The following PCID2 variants were observed in gnomAD, a reference collection of about 807,000 sequenced individuals.
PCID2 encodes PCI domain containing 2, also known as PCI domain-containing protein 2.
Under a neutral mutation model 61.3 loss-of-function variants are expected in PCID2, and 41 were observed. The observed-to-expected ratio is 0.67, with a 90% CI of 0.52 to 0.87. The LOEUF is 0.87. Among genes scored for constraint, PCID2 ranks in the 40% least tolerant of loss-of-function variants. PCID2 has a pLI of 0.00. For synonymous variants in PCID2, 187 were observed against 177.8 expected (o/e 1.05, Z -0.41); for missense variants, 392 against 493.4 (o/e 0.79, Z 1.95).
chr13:113,171,769 G>A, the PCID2 span: 3 of 1,612,172 alleles, frequency 1.9e-6, no homozygotes, highest in African/African-American at 1.3e-5. This position sits in a 1 kb window ranked among gnomAD's most constrained non-coding sequence, Gnocchi z 5.1. Flanking sequence ...ACTTCGCTGA[G>A]CACCTCCTCA....
At chr13:113,171,645 A>G in the PCID2 span, 5 of 1,614,066 alleles carry the variant, frequency 3.1e-6, no homozygotes, top group African/African-American at 4.0e-5. The surrounding 1 kb of genome is among the most constrained non-coding windows in gnomAD (Gnocchi z 5.1). Flanking sequence ...ACGCACGTCC[A>G]TGTGCACATG....
intron 2 of PCID2, 53 bp from the exon 3 acceptor site, chr13:113,198,317 A>C (rs1282824551): frequency 6.7e-6 from 7 of 1,042,182 alleles, no homozygotes; most frequent in Non-Finnish European, 8.8e-6. Context: ...CACAGAAAGA[A>C]TGCAACATAT....
chr13:113,203,752 A>C (rs1178240039), intron 1 of PCID2, among the ~76,000 whole-genome samples: 1 of 151,978 alleles, frequency 6.6e-6, no homozygotes, highest in East Asian at 1.9e-4. Flanking sequence ...GCCCTCAAGG[A>C]TGAGGGTGGC....
rs1275303797 is a variant in PCID2, at chr13:113,197,104, T to C, written c.266+74A>G. The C allele has an allele frequency of 2.5e-6, 4 of 1,614,202 alleles. No individual in the cohort carries two copies. In the Admixed American group the frequency reaches 6.7e-5, roughly 27 times the overall value. Reference sequence around the variant, plus strand: ...AGAAATGAGCAACTGGCCCAGTGTTTCCGGGTCTCAAGTCCCAAGTAATCC... The same window carrying C: ...AGAAATGAGCAACTGGCCCAGTGTTCCCGGGTCTCAAGTCCCAAGTAATCC... On this transcript the variant is annotated intron_variant, in intron 4 of 13. Coordinates refer to ENST00000337344, the MANE Select transcript of PCID2 (RefSeq NM_001127202.4).
At chr13:113,208,310 G>A in intron 1 of PCID2, 1 of 1,431,788 alleles carries the variant, frequency 7.0e-7, no homozygotes, top group Non-Finnish European at 9.1e-7. Flanking sequence ...ACACGTGCCA[G>A]CAAGTGAGGG....
At chr13:113,173,446 C>A (rs902966106), downstream of PCID2, among the ~76,000 whole-genome samples, 1 of 152,182 alleles carries the variant, frequency 6.6e-6, no homozygotes, top group Non-Finnish European at 1.5e-5. Context: ...TGACACAGAG[C>A]AGAGCATCGT....
chr13:113,166,073 A>C, the PCID2 span: 1 of 152,140 alleles, frequency 6.6e-6, no homozygotes, highest in South Asian at 2.1e-4. Flanking sequence ...TACTTACCTC[A>C]TTTTCCACTT....
intron 7 of PCID2, chr13:113,186,820 CTG>C (rs1460856654): frequency 6.6e-6 from 1 of 152,194 alleles, no homozygotes; most frequent in Non-Finnish European, 1.5e-5. Flanking sequence ...GAAGTACACT[CTG>C]TGGTGTTAAC....
At chr13:113,188,793 T>G (rs1375277286) in intron 7 of PCID2, among the ~76,000 whole-genome samples, 3 of 152,206 alleles carry the variant, frequency 2.0e-5, no homozygotes. Context: ...TCCTTGGCCT[T>G]TACATACAGC....
At chr13:113,197,058 C>T (rs2039067854) in intron 4 of PCID2, 120 bp downstream of exon 4, 2 of 1,614,228 alleles carry the variant, frequency 1.2e-6, no homozygotes, top group Non-Finnish European at 8.5e-7. Context: ...TTCCAAAACA[C>T]TGTCATTCCT....
downstream of PCID2, among the ~76,000 whole-genome samples, chr13:113,176,059 A>G (rs559854220): frequency 5.4e-4 from 82 of 152,374 alleles, no homozygotes; most frequent in African/African-American, 1.8e-3. Context: ...CAGATGTAGG[A>G]GCGAGCTAAG....
chr13:113,190,614 T>C (rs373083861), intron 7 of PCID2: 28 of 324,784 alleles, frequency 8.6e-5, no homozygotes, highest in Middle Eastern at 8.1e-4. Flanking sequence ...GAAATGGCAC[T>C]AGACGGAAAC....
chr13:113,170,522 TA>T, the PCID2 span: 1 of 1,541,618 alleles, frequency 6.5e-7, no homozygotes, highest in African/African-American at 1.4e-5. Context: ...AATATTACTG[TA>T]AAAACATGTA....
At chr13:113,196,559 G>A (rs2039030800) in intron 4 of PCID2, among the ~76,000 whole-genome samples, 1 of 152,200 alleles carries the variant, frequency 6.6e-6, no homozygotes, top group African/African-American at 2.4e-5. Context: ...TTTAGAATCT[G>A]TAGCATAAGG....
downstream of PCID2, among the ~76,000 whole-genome samples, chr13:113,174,067 A>G (rs548749709): frequency 2.0e-5 from 3 of 151,576 alleles, no homozygotes; most frequent in East Asian, 5.8e-4. Context: ...TCTCTACTAA[A>G]AATACAAAAA....
chr13:113,167,584 T>A, the PCID2 span, among the ~76,000 whole-genome samples: 2 of 152,262 alleles, frequency 1.3e-5, no homozygotes, highest in Non-Finnish European at 2.9e-5. Flanking sequence ...ATATAGACAC[T>A]TTACTTTCTA....
At position 113,183,779 on chromosome 13, in the gene PCID2, A is replaced by G. The variant is rs1050401471; in HGVS notation, c.685+567T>C. The G allele has an allele frequency of 1.0e-5, 10 of 984,588 alleles. No individual in the cohort carries two copies. The Admixed American group carries it at 5.5e-4, about 54-fold the overall frequency. 61.0% of individuals were successfully genotyped at this position (984,588 alleles called of 1,614,324 possible). A position where few individuals can be genotyped will look rare whatever the true frequency, so the allele number is the denominator to read the frequency against. On this transcript the variant is annotated intron_variant, in intron 9 of 13. Coordinates refer to ENST00000337344, the MANE Select transcript of PCID2 (RefSeq NM_001127202.4). The stretch of plus-strand genomic sequence containing the variant: ...AGAAGACTAGTTTCCTGTTCTTGAG[A>G]AAGTTACCAACGTAAACTAATACAA...
downstream of PCID2, among the ~76,000 whole-genome samples, chr13:113,176,511 CA>C (rs1351638990): frequency 1.4e-4 from 22 of 152,374 alleles, no homozygotes; most frequent in East Asian, 3.8e-4. Context: ...CCTGTCACCC[CA>C]GCACTTTGGG....
intron 9 of PCID2, among the ~76,000 whole-genome samples, chr13:113,182,646 C>T (rs910732392): frequency 3.3e-5 from 5 of 152,092 alleles, no homozygotes; most frequent in African/African-American, 1.2e-4. Context: ...ACTACAGGCA[C>T]CCACCACCGT....
Sources: gnomAD v4.1 joint callset for allele counts (sites outside exome capture counted in the v4.1 genomes callset) on GRCh38, gnomAD v4.1.1 for gene constraint, Gnocchi (gnomAD v3.1) non-coding constraint, MANE v1.5 for transcripts, NCBI Gene and HGNC (gene_info 2026-07-23, HGNC 2026-07-21) for gene names.